GOLGB1: variants seen among roughly 807,000 people sequenced by gnomAD.
GOLGB1 encodes golgin subfamily B member 1.
In GOLGB1, 174 loss-of-function variants were observed where a neutral mutation model predicts 336.9. The ratio of observed to expected loss-of-function variants is 0.52; its 90% CI spans 0.46 to 0.59. GOLGB1 has a LOEUF of 0.59. GOLGB1 is among the 20% of genes least tolerant of loss of function. GOLGB1 has a pLI of 0.00. For synonymous variants in GOLGB1, 1,208 were observed against 1,289.2 expected (o/e 0.94, Z 1.35); for missense variants, 3,331 against 3,645.3 (o/e 0.91, Z 2.22).
At chr3:121,698,966 T>G (rs1201775449) in intron 12 of GOLGB1, 37 bp from the exon 13 acceptor site, 1 of 1,438,336 alleles carries the variant, frequency 7.0e-7, no homozygotes, top group African/African-American at 1.4e-5. Flanking sequence ...TGTAATCAAA[T>G]GTTTTATAAC....
Position 121,727,061 on chromosome 3 carries a change from A to T in GOLGB1, c.403-20T>A. 7.0e-7 allele frequency: 1 copy of T among 1,434,922 alleles called. No individual in the cohort carries two copies. Among genetic ancestry groups the T allele is most frequent in the Middle Eastern group, 1.8e-4 (1 of 5,530 alleles). The allele number at this position is 1,434,922 out of a possible 1,614,324, so 88.9% of individuals were successfully genotyped here. ...GTCATGCTGAAAATGCAGGAGATAAAGTCATTATTTAAAAGAATTACAATT... is the reference window on the plus strand; with the variant it reads ...GTCATGCTGAAAATGCAGGAGATAATGTCATTATTTAAAAGAATTACAATT... On this transcript the variant is annotated intron_variant, in intron 4 of 21. Coordinates refer to ENST00000614479, the MANE Select transcript of GOLGB1 (RefSeq NM_001366282.2).
rs747227059 is a variant in GOLGB1, at chr3:121,718,465, C to T, written c.808G>A (p.Glu270Lys). 3.2e-5 allele frequency: 51 copies of T among 1,613,748 alleles called. No individual in the cohort carries two copies. The highest frequency in any genetic ancestry group is 2.5e-4 in the South Asian group (23 of 91,080). Residue 270 changes from glutamate to lysine, a missense_variant, in exon 8 of 22, where the codon GAA (glutamate) becomes AAA (lysine). Coordinates refer to ENST00000614479, the MANE Select transcript of GOLGB1 (RefSeq NM_001366282.2). ...TGAGCACGGCCCACCAAGGATTCTTCGTGTTCCTCAAGCTTCCTTTGCAGC... is the reference window on the plus strand; with the variant it reads ...TGAGCACGGCCCACCAAGGATTCTTTGTGTTCCTCAAGCTTCCTTTGCAGC... ...RVLQRKLEEH[E>K]ESLVGRAQVV...
chr3:121,689,465 G>C (rs563726064), intron 14 of GOLGB1, among the ~76,000 whole-genome samples: 1 of 148,468 alleles, frequency 6.7e-6, no homozygotes, highest in Non-Finnish European at 1.5e-5. Flanking sequence ...TGCTCGTTAA[G>C]AGTCATCACC....
chr3:121,747,341 A>G (rs1420676171), intron 1 of GOLGB1, among the ~76,000 whole-genome samples: 3 of 117,886 alleles, frequency 2.5e-5, no homozygotes, highest in Admixed American at 8.0e-5. Context: ...GTATATATGT[A>G]TATATATGTG....
chr3:121,691,615 T>C lies in GOLGB1; in HGVS notation c.7749A>G (p.Glu2583=). ...KYAKLEEKLK[E]SEEANEDLRR... ...GCAGATCCTCATTTGCTTCCTCAGA[T>C]TCCTTCAGCTTTTCTTCTAATTTAG... Residue 2583 remains glutamate (E), a synonymous_variant, in exon 14 of 22, where the codon GAA becomes GAG. Transcript: ENST00000614479. 2 of 1,613,682 alleles carry C rather than the reference T, an allele frequency of 1.2e-6. No homozygotes were observed. The highest frequency in any genetic ancestry group is 1.1e-5 in the South Asian group (1 of 90,994).
chr3:121,685,533 C>CTAAATAAA lies in GOLGB1; in HGVS notation c.8695-3676_8695-3669dup, dbSNP rs113841968. 4.5e-3 allele frequency among the ~76,000 whole-genome samples: 654 copies of CTAAATAAA among 145,650 alleles called. 3 individuals carry two copies. The highest frequency in any genetic ancestry group is 0.014 in the Middle Eastern group (4 of 284). ...CTGGCAACAGAGCGAGACTCTGTTTCTAAATAAATAAATAAATAAATAAAT... is the reference window on the plus strand; with the variant it reads ...CTGGCAACAGAGCGAGACTCTGTTTCTAAATAAATAAATAAATAAATAAATAAATAAAT... On this transcript the variant is annotated intron_variant, in intron 14 of 21. Coordinates refer to ENST00000614479, the MANE Select transcript of GOLGB1 (RefSeq NM_001366282.2).
At position 121,678,590 on chromosome 3, in the gene GOLGB1, C is replaced by T. The variant is rs957995267; in HGVS notation, c.8874-1140G>A. Among the ~76,000 whole-genome samples, 22 of 148,176 alleles carry T rather than the reference C, an allele frequency of 1.5e-4. No homozygotes were observed. The South Asian group carries it at 2.3e-3, about 16-fold the overall frequency. ...TTTTGAATTTTTTTTTTTTTTGAAA[C>T]AGGGTCTCACTCTGTTGCCCAGGTT... On this transcript the variant is annotated intron_variant, in intron 15 of 21. Transcript: ENST00000614479.
Position 121,681,761 on chromosome 3 carries a change from T to A in GOLGB1, c.8799A>T (p.Thr2933=). Residue 2933 remains threonine (T), a synonymous_variant, in exon 15 of 22, where the codon ACA becomes ACT. Transcript: ENST00000614479. The part of the protein sequence containing the change: ...KAQLQEYQDK[T]KAFQIMQEEL... ...CTTCTTGCATAATCTGAAATGCTTT[T>A]GTCTTATCTTGATACTCCTGAAGTT... 1 of 1,611,950 alleles carries A rather than the reference T, an allele frequency of 6.2e-7. No homozygotes were observed. Among genetic ancestry groups the A allele is most frequent in the Non-Finnish European group, 8.5e-7 (1 of 1,178,082 alleles).
At chr3:121,666,062 G>C (rs1207305626) in intron 20 of GOLGB1, among the ~76,000 whole-genome samples, 1 of 152,200 alleles carries the variant, frequency 6.6e-6, no homozygotes, top group Non-Finnish European at 1.5e-5. Flanking sequence ...CTGTTACTAT[G>C]GAGGTCAGTC....
intron 20 of GOLGB1, among the ~76,000 whole-genome samples, chr3:121,665,642 C>A (rs1938508534): frequency 6.6e-6 from 1 of 152,212 alleles, no homozygotes; most frequent in Admixed American, 6.5e-5. Flanking sequence ...TGGAACTTCT[C>A]CATTTAATGA....
Position 121,696,017 on chromosome 3 carries a change from TTTTAGTGCTTCTTTTCG to T in GOLGB1, c.4489_4505del (p.Glu1499GlnfsTer15), listed in dbSNP as rs1560232857. ...ATTCCTCTTGGAGACTTTTGTTTTC[TTTTAGTGCTTCTTTTCG>T]GGAAATAAGGGCAGCTTGCAGTTTC... On this transcript the variant is annotated frameshift_variant, in exon 13 of 22. Coordinates refer to ENST00000614479, the MANE Select transcript of GOLGB1 (RefSeq NM_001366282.2). LOFTEE classifies it high-confidence loss of function. 4 of 1,614,156 alleles carry T rather than the reference TTTTAGTGCTTCTTTTCG, an allele frequency of 2.5e-6. No homozygotes were observed. Among genetic ancestry groups the T allele is most frequent in the Non-Finnish European group, 2.5e-6 (3 of 1,180,028 alleles).
intron 1 of GOLGB1, among the ~76,000 whole-genome samples, chr3:121,731,684 T>C (rs1341535399): frequency 1.3e-5 from 2 of 152,186 alleles, no homozygotes; most frequent in Non-Finnish European, 2.9e-5. Context: ...AATTTAAATA[T>C]AAACTTTGTT....
chr3:121,688,337 C>T (rs896634596), intron 14 of GOLGB1, among the ~76,000 whole-genome samples: 2 of 152,230 alleles, frequency 1.3e-5, no homozygotes, highest in African/African-American at 2.4e-5. Context: ...AGGCGCGCGC[C>T]GCCACGCCTG....
Position 121,664,897 on chromosome 3 carries a change from C to A in GOLGB1, c.9660+29G>T, listed in dbSNP as rs755981287. The A allele has an allele frequency of 2.5e-5, 33 of 1,323,508 alleles. No homozygotes were observed. The Admixed American group carries it at 5.4e-4, about 22-fold the overall frequency. The allele number at this position is 1,323,508 out of a possible 1,614,324, so 82.0% of individuals were successfully genotyped here. A position where few individuals can be genotyped will look rare whatever the true frequency, so the allele number is the denominator to read the frequency against. Reference sequence around the variant, plus strand: ...TAGCCAGCCCTGTCAGATAATAAAACACCCTCTCTTTATCCTTCTTCCTCT... The same window carrying A: ...TAGCCAGCCCTGTCAGATAATAAAAAACCCTCTCTTTATCCTTCTTCCTCT... On this transcript the variant is annotated intron_variant, in intron 21 of 21. Coordinates refer to ENST00000614479, the MANE Select transcript of GOLGB1 (RefSeq NM_001366282.2).
intron 15 of GOLGB1, among the ~76,000 whole-genome samples, chr3:121,681,366 T>C (rs1941052516): frequency 6.6e-6 from 1 of 152,222 alleles, no homozygotes; most frequent in Admixed American, 6.5e-5. Context: ...ACAAAGGACG[T>C]ATTTGTGGTG....
At chr3:121,726,170 C>T (rs1276028653) in intron 5 of GOLGB1, among the ~76,000 whole-genome samples, 1 of 150,626 alleles carries the variant, frequency 6.6e-6, no homozygotes, top group Non-Finnish European at 1.5e-5. Flanking sequence ...TGGTGGCTCA[C>T]ACCTGTAATA....
Position 121,681,760 on chromosome 3 carries a change from T to C in GOLGB1, c.8800A>G (p.Lys2934Glu), listed in dbSNP as rs770398203. Reference sequence around the variant, plus strand: ...TCTTCTTGCATAATCTGAAATGCTTTTGTCTTATCTTGATACTCCTGAAGT... The same window carrying C: ...TCTTCTTGCATAATCTGAAATGCTTCTGTCTTATCTTGATACTCCTGAAGT... Reference protein sequence around the residue: ...AQLQEYQDKTKAFQIMQEELR... With the variant: ...AQLQEYQDKTEAFQIMQEELR... The change falls in exon 15 of 22, where the codon AAA becomes GAA. Residue 2934 changes from lysine to glutamate, a missense_variant. Coordinates refer to ENST00000614479, the MANE Select transcript of GOLGB1 (RefSeq NM_001366282.2). 29 of 1,611,724 alleles carry C rather than the reference T, an allele frequency of 1.8e-5. No individual in the cohort carries two copies. In the South Asian group the frequency reaches 3.1e-4, roughly 17 times the overall value.
At chr3:121,688,579 CGA>C (rs1294057084) in intron 14 of GOLGB1, among the ~76,000 whole-genome samples, 1 of 152,190 alleles carries the variant, frequency 6.6e-6, no homozygotes, top group Non-Finnish European at 1.5e-5. Context: ...CCCAAAGTGC[CGA>C]GAGTGCAGCC....
Position 121,725,352 on chromosome 3 carries a change from G to A in GOLGB1, c.531+1561C>T, listed in dbSNP as rs143820464. Among the ~76,000 whole-genome samples, 32 of 152,316 alleles carry A rather than the reference G, an allele frequency of 2.1e-4. No homozygotes were observed. The East Asian group carries it at 6.2e-3, about 29-fold the overall frequency. ...GTACCGGCAGAGGATGCTGAAAATG[G>A]AGTAAAAGAAGATTATTCTGGAATT... On this transcript the variant is annotated intron_variant, in intron 5 of 21. Coordinates refer to ENST00000614479, the MANE Select transcript of GOLGB1 (RefSeq NM_001366282.2).
Sources: allele counts gnomAD v4.1 joint callset (sites outside exome capture counted in the v4.1 genomes callset), GRCh38; gene constraint gnomAD v4.1.1; transcripts MANE v1.5; gene names NCBI Gene and HGNC (gene_info 2026-07-23, HGNC 2026-07-21).